NAALADL2: variants seen among roughly 807,000 people sequenced by gnomAD.
The protein encoded by NAALADL2 is N-acetylated alpha-linked acidic dipeptidase like 2, also known as inactive N-acetylated-alpha-linked acidic dipeptidase-like protein 2.
NAALADL2 carries 76 observed loss-of-function variants against 87.2 expected under a neutral mutation model. The ratio of observed to expected loss-of-function variants is 0.87; its 90% CI spans 0.72 to 1.05. The LOEUF is 1.05. NAALADL2 is among the 50% of genes least tolerant of loss of function. The pLI, the probability that NAALADL2 is intolerant of heterozygous loss-of-function variation, is 0.00. For synonymous variants in NAALADL2, 354 were observed against 331.0 expected (o/e 1.07, Z -0.75); for missense variants, 1,089 against 945.8 (o/e 1.15, Z -1.99).
At chr3:175,462,141 C>T (rs1338727545) in intron 6 of NAALADL2, among the ~76,000 whole-genome samples, 2 of 152,056 alleles carry the variant, frequency 1.3e-5, no homozygotes, top group African/African-American at 4.8e-5. Flanking sequence ...AACAAATGTT[C>T]CACAGTAATG....
intron 2 of NAALADL2, among the ~76,000 whole-genome samples, chr3:174,618,278 A>G (rs1190157374): frequency 1.3e-5 from 2 of 151,754 alleles, no homozygotes; most frequent in East Asian, 1.9e-4. Context: ...GTAAGTTGCT[A>G]TATTTCCTAG....
At chr3:175,093,680 C>T (rs1193618553) in intron 1 of NAALADL2, among the ~76,000 whole-genome samples, 4 of 151,146 alleles carry the variant, frequency 2.6e-5, no homozygotes. Flanking sequence ...TACTCATTTC[C>T]GTAGTAATTT....
chr3:175,709,313 C>T (rs1190529815), intron 11 of NAALADL2, among the ~76,000 whole-genome samples: 1 of 151,916 alleles, frequency 6.6e-6, no homozygotes, highest in African/African-American at 2.4e-5. Flanking sequence ...GGACTGACAC[C>T]TCCTGTTTTA....
intron 1 of NAALADL2, among the ~76,000 whole-genome samples, chr3:175,052,852 T>C (rs184816467): frequency 4.0e-4 from 61 of 152,310 alleles, no homozygotes; most frequent in African/African-American, 1.4e-3. Context: ...CTGCCATGGT[T>C]CCAGATATAG....
At chr3:174,907,269 A>G (rs1404934815) in intron 1 of NAALADL2, among the ~76,000 whole-genome samples, 1 of 152,084 alleles carries the variant, frequency 6.6e-6, no homozygotes, top group Non-Finnish European at 1.5e-5. Flanking sequence ...TAGATCTAAA[A>G]AAAGAAGAAG....
At chr3:175,270,634 G>A (rs776376895) in intron 4 of NAALADL2, among the ~76,000 whole-genome samples, 1 of 152,162 alleles carries the variant, frequency 6.6e-6, no homozygotes, top group South Asian at 2.1e-4. Flanking sequence ...TATCTTGAAT[G>A]AGAAGAATTT....
chr3:174,828,257 T>C (rs2109357275), intron 3 of NAALADL2, among the ~76,000 whole-genome samples: 1 of 152,348 alleles, frequency 6.6e-6, no homozygotes, highest in East Asian at 1.9e-4. Flanking sequence ...AGTGGCTCTC[T>C]ACAAAGAAAG....
intron 9 of NAALADL2, among the ~76,000 whole-genome samples, chr3:175,514,980 C>T (rs1731645023): frequency 6.6e-6 from 1 of 152,052 alleles, no homozygotes; most frequent in African/African-American, 2.4e-5. Context: ...TGTATAAATC[C>T]CTAAGCTCCA....
At chr3:174,810,595 A>G (rs1169216141) in intron 3 of NAALADL2, among the ~76,000 whole-genome samples, 1 of 141,938 alleles carries the variant, frequency 7.0e-6, no homozygotes. Flanking sequence ...TATATATGTA[A>G]GCAAAAAAAA....
intron 1 of NAALADL2, among the ~76,000 whole-genome samples, chr3:174,889,427 T>A (rs1730597819): frequency 6.6e-6 from 1 of 152,188 alleles, no homozygotes; most frequent in South Asian, 2.1e-4. Flanking sequence ...TGTAGCCATG[T>A]GATTCTACCA....
At chr3:174,682,095 G>C (rs1425819007) in intron 2 of NAALADL2, among the ~76,000 whole-genome samples, 1 of 152,106 alleles carries the variant, frequency 6.6e-6, no homozygotes, top group East Asian at 1.9e-4. Flanking sequence ...CACAGCTCTG[G>C]GAGAGATGCC....
intron 3 of NAALADL2, among the ~76,000 whole-genome samples, chr3:175,244,833 A>T (rs942403532): frequency 6.6e-6 from 1 of 152,096 alleles, no homozygotes; most frequent in East Asian, 1.9e-4. Context: ...CTATTACATT[A>T]CCTATGTTTT....
intron 2 of NAALADL2, among the ~76,000 whole-genome samples, chr3:175,219,182 G>A (rs1442539160): frequency 2.0e-5 from 3 of 152,056 alleles, no homozygotes; most frequent in African/African-American, 7.2e-5. Flanking sequence ...AGCAGAATAT[G>A]AGAAATCTAG....
chr3:175,146,685 T>G (rs1411028546), intron 2 of NAALADL2, among the ~76,000 whole-genome samples: 1 of 152,190 alleles, frequency 6.6e-6, no homozygotes, highest in African/African-American at 2.4e-5. Context: ...GTTACTATTT[T>G]ACTTCGTGAT....
At chr3:175,617,362 C>A (rs1474232626) in intron 10 of NAALADL2, among the ~76,000 whole-genome samples, 3 of 152,106 alleles carry the variant, frequency 2.0e-5, no homozygotes, top group Non-Finnish European at 4.4e-5. Flanking sequence ...TCCTGCTGGA[C>A]CATTTGAAAG....
At chr3:175,072,218 A>G in intron 1 of NAALADL2, among the ~76,000 whole-genome samples, 1 of 152,080 alleles carries the variant, frequency 6.6e-6, no homozygotes, top group East Asian at 1.9e-4. Context: ...GGAGTCATGT[A>G]TCCTGAATTC....
At chr3:174,863,786 A>C (rs551716363) in intron 1 of NAALADL2, 6 of 255,440 alleles carry the variant, frequency 2.3e-5, no homozygotes, top group African/African-American at 1.4e-4. Context: ...AAAGAGGACT[A>C]ACCAGTATGT....
At chr3:174,803,164 C>G (rs185670883) in intron 3 of NAALADL2, among the ~76,000 whole-genome samples, 1 of 152,014 alleles carries the variant, frequency 6.6e-6, no homozygotes, top group Non-Finnish European at 1.5e-5. Flanking sequence ...TTTTAATGAT[C>G]GCCATTCTAA....
intron 1 of NAALADL2, among the ~76,000 whole-genome samples, chr3:175,066,686 T>C (rs73038492): frequency 0.12 from 17,652 of 152,192 alleles, 2,482 homozygotes; most frequent in African/African-American, 0.34. Flanking sequence ...GTCTTGCATT[T>C]AGAGTTTAAT....
Sources: gnomAD v4.1 joint callset for allele counts (sites outside exome capture counted in the v4.1 genomes callset) on GRCh38, gnomAD v4.1.1 for gene constraint, MANE v1.5 for transcripts, NCBI Gene and HGNC (gene_info 2026-07-23, HGNC 2026-07-21) for gene names.